The following PNPLA7 variants were observed in gnomAD, a reference collection of about 807,000 sequenced individuals.
PNPLA7 encodes the protein patatin-like phospholipase domain-containing protein 7.
A neutral mutation model predicts 161.7 loss-of-function variants in PNPLA7; 153 were observed. That is an observed-to-expected ratio of 0.95 (90% confidence interval 0.83 to 1.08). The LOEUF is 1.08. Among genes scored for constraint, PNPLA7 ranks in the 50% least tolerant of loss-of-function variants. PNPLA7 has a pLI of 0.00. For synonymous variants in PNPLA7, 809 were observed against 782.1 expected (o/e 1.03, Z -0.57); for missense variants, 1,739 against 1,856.6 (o/e 0.94, Z 1.16).
At chr9:137,517,141 C>G (rs1347625532) in intron 11 of PNPLA7, among the ~76,000 whole-genome samples, 4 of 141,256 alleles carry the variant, frequency 2.8e-5, no homozygotes, top group African/African-American at 1.1e-4. Context: ...TCCATCCCCA[C>G]TCACTCACTC....
Position 137,521,802 on chromosome 9 carries a change from C to T in PNPLA7, c.877-86G>A, listed in dbSNP as rs550194318. The T allele has an allele frequency of 1.8e-4, 217 of 1,207,822 alleles. 3 individuals carry two copies. Among genetic ancestry groups the T allele is most frequent in the African/African-American group, 1.4e-3 (90 of 65,208 alleles). The allele number at this position is 1,207,822 out of a possible 1,614,324, so 74.8% of individuals were successfully genotyped here. A position where few individuals can be genotyped will look rare whatever the true frequency, so the allele number is the denominator to read the frequency against. On this transcript the variant is annotated intron_variant, in intron 9 of 34. Coordinates refer to ENST00000406427, the MANE Select transcript of PNPLA7 (RefSeq NM_001098537.3). Reference sequence around the variant, plus strand: ...CAGCACCACACAGAGCACTGAGAACCGTGCCCCAAACCCTGCAGATGCCAC... The same window carrying T: ...CAGCACCACACAGAGCACTGAGAACTGTGCCCCAAACCCTGCAGATGCCAC...
chr9:137,461,957 C>T lies in PNPLA7; in HGVS notation c.3730G>A (p.Gly1244Arg), dbSNP rs1363818729. The T allele has an allele frequency of 6.3e-7, 1 of 1,592,098 alleles. No homozygotes were observed. The highest frequency in any genetic ancestry group is 8.5e-7 in the Non-Finnish European group (1 of 1,173,352). Residue 1244 changes from glycine (G) to arginine (R), a missense_variant, in exon 32 of 35, where the codon GGG (glycine) becomes AGG (arginine). By Grantham distance (125) the Gly-to-Arg change is moderately radical. Coordinates refer to ENST00000406427, the MANE Select transcript of PNPLA7 (RefSeq NM_001098537.3). ...VLEKMLRDQQ[G>R]PSKKPASAVL... ...GCACTCGCGGGCTTCTTGCTCGGCC[C>T]CTGCTGGTCGCGGAGCATCTTCTCC...
chr9:137,505,684 A>G lies in PNPLA7; in HGVS notation c.1403T>C (p.Leu468Pro). 1 of 1,614,146 alleles carries G rather than the reference A, an allele frequency of 6.2e-7. No homozygotes were observed. The highest frequency in any genetic ancestry group is 1.1e-5 in the South Asian group (1 of 91,090). ...QHSESHTDET[L>P]ASRKSDAIFR... ...GATGGCATCCGACTTCCTGCTGGCC[A>G]GGGTCTCATCCGTGTGACTCTCTGA... is the stretch of plus-strand genomic sequence containing the variant. The change falls in exon 14 of 35, where the codon CTG becomes CCG. Residue 468 changes from leucine (L) to proline (P), a missense_variant. Transcript: ENST00000406427.
At chr9:137,545,772 C>A (rs957523374) in intron 4 of PNPLA7, among the ~76,000 whole-genome samples, 1 of 152,166 alleles carries the variant, frequency 6.6e-6, no homozygotes, top group East Asian at 1.9e-4. Context: ...GACAAGAGTG[C>A]GAGCCTTCTG....
rs78238179 is a variant in PNPLA7 at position 137,486,192 on chromosome 9, C to T, written c.2198-1456G>A. ...TGGCCAAGGTCAGAGTAAGGGGACG[C>T]GGCATGGTGAGGGAAGAGGCCAGGA... is the stretch of plus-strand genomic sequence containing the variant. On this transcript the variant is annotated intron_variant, in intron 20 of 34. Transcript: ENST00000406427. This position sits in a 1 kb window ranked among gnomAD's most constrained non-coding sequence, Gnocchi z 6.0. Among the ~76,000 whole-genome samples, 6 of 152,096 alleles carry T rather than the reference C, an allele frequency of 3.9e-5. No individual in the cohort carries two copies. The highest frequency in any genetic ancestry group is 2.0e-4 in the Admixed American group (3 of 15,266).
chr9:137,541,308 C>T lies in PNPLA7; in HGVS notation c.667-586G>A, dbSNP rs1836189595. On this transcript the variant is annotated intron_variant, in intron 7 of 34. Transcript: ENST00000406427. The surrounding 1 kb of genome is among the most constrained non-coding windows in gnomAD (Gnocchi z 4.4). ...GCACGAGCGGCAACGAAAGCCGCTGCTTCACCAGCTGGGCGGCCTCATCCC... is the reference window on the plus strand; with the variant it reads ...GCACGAGCGGCAACGAAAGCCGCTGTTTCACCAGCTGGGCGGCCTCATCCC... 2.0e-6 allele frequency: 1 copy of T among 510,038 alleles called. No homozygotes were observed. The highest frequency in any genetic ancestry group is 2.5e-6 in the Non-Finnish European group (1 of 395,476). 31.6% of individuals were successfully genotyped at this position (510,038 alleles called of 1,614,324 possible).
rs143853424 is a variant in PNPLA7, at chr9:137,480,363, G to A, written c.2529C>T (p.Ala843=). Residue 843 remains alanine, a synonymous_variant, in exon 23 of 35, where the codon GCC becomes GCT. Transcript: ENST00000406427. Reference sequence around the variant, plus strand: ...CCAGGCCCACGATGAGGATGCAGTCGGCCTGGCGCACGCAGCGCTGGGTCC... The same window carrying A: ...CCAGGCCCACGATGAGGATGCAGTCAGCCTGGCGCACGCAGCGCTGGGTCC... The part of the protein sequence containing the change: ...TPWTQRCVRQ[A]DCILIVGLGD... 39 of 1,613,350 alleles carry A rather than the reference G, an allele frequency of 2.4e-5. No individual in the cohort carries two copies. Among genetic ancestry groups the A allele is most frequent in the South Asian group, 5.5e-5 (5 of 91,070 alleles).
intron 8 of PNPLA7, among the ~76,000 whole-genome samples, chr9:137,536,948 C>T (rs1183668967): frequency 6.6e-6 from 1 of 150,494 alleles, no homozygotes; most frequent in Non-Finnish European, 1.5e-5. Context: ...AGCCACACTT[C>T]ATCTCCCACG....
At chr9:137,475,680 CTGT>C (rs979271444) in intron 25 of PNPLA7, among the ~76,000 whole-genome samples, 34 of 149,580 alleles carry the variant, frequency 2.3e-4, no homozygotes, top group Middle Eastern at 3.4e-3. Context: ...GGCTGAGAAC[CTGT>C]TTTTTTTTTA....
intron 1 of PNPLA7, among the ~76,000 whole-genome samples, chr9:137,549,206 G>A (rs1836706887): frequency 6.6e-6 from 1 of 152,202 alleles, no homozygotes. Flanking sequence ...TCTAGGGCTG[G>A]GCACAGTGTC....
chr9:137,518,557 G>A (rs369212559), intron 11 of PNPLA7, among the ~76,000 whole-genome samples: 59 of 13,938 alleles, frequency 4.2e-3, no homozygotes, highest in East Asian at 0.012. Context: ...CCACTCACTC[G>A]CTCCACTCTG....
At chr9:137,518,222 CA>C (rs1335661773) in intron 11 of PNPLA7, among the ~76,000 whole-genome samples, 8 of 142,298 alleles carry the variant, frequency 5.6e-5, no homozygotes, top group South Asian at 4.5e-4. Context: ...CTCCATCCCC[CA>C]CTCACTCACT....
intron 8 of PNPLA7, among the ~76,000 whole-genome samples, chr9:137,531,838 GA>G (rs1469550042): frequency 1.3e-5 from 2 of 152,160 alleles, no homozygotes; most frequent in Non-Finnish European, 2.9e-5. Context: ...TGGGTAATGT[GA>G]ACAGAGCCGG....
chr9:137,507,064 G>C (rs1186935418), intron 12 of PNPLA7, among the ~76,000 whole-genome samples: 4 of 152,250 alleles, frequency 2.6e-5, no homozygotes, highest in Non-Finnish European at 4.4e-5. Flanking sequence ...CAGACACAGA[G>C]AGCCAGGAGC....
chr9:137,478,058 A>G lies in PNPLA7; in HGVS notation c.2858T>C (p.Leu953Pro). The G allele has an allele frequency of 7.0e-7, 1 of 1,431,244 alleles. No homozygotes were observed. Among genetic ancestry groups the G allele is most frequent in the Non-Finnish European group, 9.2e-7 (1 of 1,088,572 alleles). 88.7% of individuals were successfully genotyped at this position (1,431,244 alleles called of 1,614,324 possible). A position where few individuals can be genotyped will look rare whatever the true frequency, so the allele number is the denominator to read the frequency against. ...CCTTGCTCCCCCTCCCCCAAGCACC[A>G]GGGCAATGGCGTTGCCCGTCAGCAC... ...ARVLTGNAIA[L>P]VLGGGGARGC... The change falls in exon 25 of 35, where the codon CTG becomes CCG. Residue 953 changes from leucine to proline, a missense_variant. Around this residue, in one of 6 missense-constraint regions of PNPLA7, gnomAD observed 703 missense variants for 694.6 expected, o/e 1.01. Transcript: ENST00000406427.
At chr9:137,472,075 A>G (rs1166178049) in intron 25 of PNPLA7, among the ~76,000 whole-genome samples, 1 of 151,446 alleles carries the variant, frequency 6.6e-6, no homozygotes, top group Non-Finnish European at 1.5e-5. Flanking sequence ...CTGCAGGGCC[A>G]CTGGCACTAA....
intron 11 of PNPLA7, 75 bp from the exon 12 acceptor site, chr9:137,515,594 C>T (rs1834492584): frequency 9.7e-6 from 14 of 1,447,254 alleles, no homozygotes; most frequent in Non-Finnish European, 1.3e-5. Context: ...TTCGGGGCCA[C>T]GCAGGGAGCA....
chr9:137,512,048 G>A (rs1834265522), intron 12 of PNPLA7, among the ~76,000 whole-genome samples: 1 of 152,220 alleles, frequency 6.6e-6, no homozygotes, highest in Non-Finnish European at 1.5e-5. Context: ...CTGCGCACTG[G>A]TGGTAGTGGC....
At chr9:137,462,428 G>A (rs142925519) in intron 30 of PNPLA7, 97 bp from the exon 31 acceptor site, 17 of 1,504,498 alleles carry the variant, frequency 1.1e-5, no homozygotes, top group East Asian at 2.3e-5. Flanking sequence ...CCCATCCTCT[G>A]GGGTAGGTAG....
Sources: gnomAD v4.1 joint callset for allele counts (sites outside exome capture counted in the v4.1 genomes callset) on GRCh38, gnomAD v4.1.1 for gene constraint, gnomAD v4.1.1 regional missense constraint, Gnocchi (gnomAD v3.1) non-coding constraint, MANE v1.5 for transcripts, NCBI Gene and HGNC (gene_info 2026-07-23, HGNC 2026-07-21) for gene names.